Variants in AFDN observed in about 807,000 individuals in gnomAD.
AFDN encodes the protein afadin.
AFDN carries 68 observed loss-of-function variants against 216.6 expected under a neutral mutation model. The observed-to-expected ratio is 0.31, with a 90% CI of 0.26 to 0.38. The LOEUF is 0.38. Among genes scored for constraint, AFDN ranks in the 10% least tolerant of loss-of-function variants. AFDN has a pLI of 1.00. For missense variants in AFDN, 2,136 were observed against 2,342.0 expected (o/e 0.91, Z 1.82); for synonymous variants, 868 against 853.7 (o/e 1.02, Z -0.29).
At chr6:167,963,546 C>T in intron 31 of AFDN, 1 of 1,057,226 alleles carries the variant, frequency 9.5e-7, no homozygotes, top group Non-Finnish European at 1.1e-6. Context: ...GGATACAGAA[C>T]AATCTAAGAG....
At chr6:167,923,757 G>A (rs1055035402) in intron 22 of AFDN, among the ~76,000 whole-genome samples, 6 of 151,564 alleles carry the variant, frequency 4.0e-5, no homozygotes, top group African/African-American at 7.3e-5. Context: ...CCAGTAGCTG[G>A]GATTACAGGT....
chr6:167,864,890 C>T (rs1423475162), intron 2 of AFDN, 144 bp downstream of exon 2: 1 of 845,744 alleles, frequency 1.2e-6, no homozygotes, highest in East Asian at 2.4e-5. Context: ...AGCTGGCAGG[C>T]TGAGAAAACT....
chr6:167,959,929 T>C (rs974924105), intron 30 of AFDN, among the ~76,000 whole-genome samples: 1 of 152,198 alleles, frequency 6.6e-6, no homozygotes, highest in Non-Finnish European at 1.5e-5. Flanking sequence ...TGCAAGGCTA[T>C]TTTGGTAGCA....
At chr6:167,935,072 T>G (rs572323495) in intron 23 of AFDN, among the ~76,000 whole-genome samples, 27 of 152,356 alleles carry the variant, frequency 1.8e-4, no homozygotes, top group African/African-American at 6.5e-4. Context: ...TGCCATTCTC[T>G]CTTGTAGCTC....
At chr6:167,828,774 A>AT (rs572955536) in intron 1 of AFDN, among the ~76,000 whole-genome samples, 2,768 of 132,612 alleles carry the variant, frequency 0.021, 33 homozygotes, top group Non-Finnish European at 0.025. Context: ...GTTTGAATGG[A>AT]TTTTTTTTTT....
In AFDN at chr6:167,898,428, A is replaced by G. The variant is rs1402464623; in HGVS notation, c.1541A>G (p.Asp514Gly). 2 of 1,614,226 alleles carry G rather than the reference A, an allele frequency of 1.2e-6. No individual in the cohort carries two copies. The highest frequency in any genetic ancestry group is 1.3e-5 in the African/African-American group (1 of 75,070). The change falls in exon 11 of 34, where the codon GAT (aspartate) becomes GGT (glycine). Residue 514 changes from aspartate to glycine, a missense_variant. By Grantham distance (94) the Asp-to-Gly change is moderately conservative (BLOSUM62 -1). Coordinates refer to ENST00000683244, the MANE Select transcript of AFDN (RefSeq NM_001386888.1). ...CATGCTCTTGCAAAAAGATCTGTGG[A>G]TGGAGGCCTGATGGTTAAGGGCCCA... ...QDHALAKRSV[D>G]GGLMVKGPRH...
chr6:167,898,627 T>C (rs1445153604), intron 11 of AFDN, among the ~76,000 whole-genome samples, 160 bp downstream of exon 11: 1 of 152,240 alleles, frequency 6.6e-6, no homozygotes, highest in African/African-American at 2.4e-5. Flanking sequence ...GGGTTGGTTT[T>C]AGAGGAAAGA....
At chr6:167,828,026 C>T (rs1466360085) in intron 1 of AFDN, 7 of 152,152 alleles carry the variant, frequency 4.6e-5, no homozygotes, top group African/African-American at 1.7e-4. Flanking sequence ...GGAAGGGCTC[C>T]GTGGAGAGGG....
chr6:167,839,123 A>G (rs1338432788), intron 1 of AFDN, among the ~76,000 whole-genome samples: 1 of 152,208 alleles, frequency 6.6e-6, no homozygotes, highest in Non-Finnish European at 1.5e-5. Context: ...GCTGAACAGT[A>G]GCTTCTGATA....
intron 11 of AFDN, among the ~76,000 whole-genome samples, chr6:167,900,523 G>GTT (rs1788809954): frequency 2.6e-5 from 4 of 152,154 alleles, no homozygotes; most frequent in African/African-American, 9.7e-5. Context: ...ATATTATAAA[G>GTT]TCACTTTGGT....
In AFDN at chr6:167,897,642, C is replaced by CTTTTTTTTT. The variant is rs57383020; in HGVS notation, c.1318-546_1318-538dup. ...AATATTGGTTAAGATGACTGTATGCCTTTTTTTTTTTTTTTTTTTTTTTTT... is the reference window on the plus strand; with the variant it reads ...AATATTGGTTAAGATGACTGTATGCCTTTTTTTTTTTTTTTTTTTTTTTTTTTTTTTTTT... On this transcript the variant is annotated intron_variant, in intron 10 of 33. Coordinates refer to ENST00000683244, the MANE Select transcript of AFDN (RefSeq NM_001386888.1). Among the ~76,000 whole-genome samples, 73 of 89,744 alleles carry CTTTTTTTTT rather than the reference C, an allele frequency of 8.1e-4. 7 individuals carry two copies. Among genetic ancestry groups the CTTTTTTTTT allele is most frequent in the African/African-American group, 2.1e-3 (42 of 19,750 alleles). The allele number at this position is 89,744 out of a possible 152,430, so 58.9% of individuals were successfully genotyped here. A position where few individuals can be genotyped will look rare whatever the true frequency, so the allele number is the denominator to read the frequency against.
In AFDN at chr6:167,845,851, T is replaced by C. The variant is rs573015901; in HGVS notation, c.105+18614T>C. Among the ~76,000 whole-genome samples, 9 of 152,332 alleles carry C rather than the reference T, an allele frequency of 5.9e-5. No individual in the cohort carries two copies. The East Asian group carries it at 1.3e-3, about 23-fold the overall frequency. On this transcript the variant is annotated intron_variant, in intron 1 of 33. Coordinates refer to ENST00000683244, the MANE Select transcript of AFDN (RefSeq NM_001386888.1). ...GGGTAATTTATAAAGGAAAGAAGTT[T>C]AGTTGAATCAGTTCCACATGGCTGG...
At position 167,971,898 on chromosome 6, in the gene AFDN, T is replaced by C; in HGVS notation, c.*1963T>C. 1 of 201,574 alleles carries C rather than the reference T, an allele frequency of 5.0e-6. No homozygotes were observed. Among genetic ancestry groups the C allele is most frequent in the Non-Finnish European group, 1.0e-5 (1 of 98,288 alleles). 12.5% of individuals were successfully genotyped at this position (201,574 alleles called of 1,614,324 possible). ...GTTGCAACCTATTTTTAATAAACTTTGTATGTATTTAAGTGTATTTGCTAT... is the reference window on the plus strand; with the variant it reads ...GTTGCAACCTATTTTTAATAAACTTCGTATGTATTTAAGTGTATTTGCTAT... On this transcript the variant is annotated 3_prime_UTR_variant, in exon 34 of 34. Transcript: ENST00000683244.
Position 167,962,534 on chromosome 6 carries a change from G to A in AFDN, c.4935G>A (p.Glu1645=). 6.2e-7 allele frequency: 1 copy of A among 1,613,854 alleles called. No homozygotes were observed. The highest frequency in any genetic ancestry group is 8.5e-7 in the Non-Finnish European group (1 of 1,179,848). The part of the protein sequence containing the change: ...ARQEEERRRQ[E]EERTKRDAEE... Reference sequence around the variant, plus strand: ...AAGAGGAAGAGCGCCGGCGGCAGGAGGAGGAGCGAACAAAACGAGACGCTG... The same window carrying A: ...AAGAGGAAGAGCGCCGGCGGCAGGAAGAGGAGCGAACAAAACGAGACGCTG... Residue 1645 remains glutamate (E), a synonymous_variant, in exon 31 of 34, where the codon GAG becomes GAA. Coordinates refer to ENST00000683244, the MANE Select transcript of AFDN (RefSeq NM_001386888.1). The surrounding 1 kb of genome is among the most constrained non-coding windows in gnomAD (Gnocchi z 5.2).
intron 8 of AFDN, chr6:167,893,568 C>T: frequency 3.1e-6 from 1 of 326,510 alleles, no homozygotes; most frequent in Non-Finnish European, 5.8e-6. Context: ...GGGGTGGTAG[C>T]CCTCTGTATG....
intron 1 of AFDN, among the ~76,000 whole-genome samples, chr6:167,849,296 A>G (rs1207117440): frequency 1.3e-5 from 2 of 152,038 alleles, no homozygotes; most frequent in Non-Finnish European, 2.9e-5. Context: ...TTATCTTTGT[A>G]TCATGTAATG....
intron 30 of AFDN, chr6:167,952,410 C>A: frequency 2.1e-6 from 3 of 1,413,608 alleles, no homozygotes; most frequent in Non-Finnish European, 2.8e-6. Context: ...GTATTAAATA[C>A]AATTCAAATG....
chr6:167,934,049 G>A lies in AFDN; in HGVS notation c.3099+8958G>A, dbSNP rs58909361. On this transcript the variant is annotated intron_variant, in intron 23 of 33. Transcript: ENST00000683244. Reference sequence around the variant, plus strand: ...CTTGTGCCTGAAAATCTGCTGAGTCGCACACCGCTTTGCGAGGCTAAGGAG... The same window carrying A: ...CTTGTGCCTGAAAATCTGCTGAGTCACACACCGCTTTGCGAGGCTAAGGAG... 4.9e-3 allele frequency among the ~76,000 whole-genome samples: 743 copies of A among 152,238 alleles called. 4 individuals are homozygous for A. Among genetic ancestry groups the A allele is most frequent in the African/African-American group, 0.017 (699 of 41,522 alleles).
At chr6:167,879,845 T>C (rs1441513828) in intron 5 of AFDN, among the ~76,000 whole-genome samples, 1 of 152,210 alleles carries the variant, frequency 6.6e-6, no homozygotes, top group Non-Finnish European at 1.5e-5. Flanking sequence ...GCACTTGAGA[T>C]CTCCTGGTTC....
Sources: allele counts gnomAD v4.1 joint callset (sites outside exome capture counted in the v4.1 genomes callset), GRCh38; gene constraint gnomAD v4.1.1; non-coding constraint Gnocchi (gnomAD v3.1); transcripts MANE v1.5; gene names NCBI Gene and HGNC (gene_info 2026-07-23, HGNC 2026-07-21).